Variants in HYAL4 observed in about 807,000 individuals in gnomAD.
The protein encoded by HYAL4 is hyaluronidase 4, also known as hyaluronidase-4.
HYAL4 carries 37 observed loss-of-function variants against 35.2 expected under a neutral mutation model. That is an observed-to-expected ratio of 1.05 (90% CI 0.81 to 1.38). The LOEUF (loss-of-function observed/expected upper bound fraction) is 1.38. Among genes scored for constraint, HYAL4 ranks in the 40% most tolerant of loss-of-function variants. The probability of loss-of-function intolerance (pLI) is 0.00; values close to 1 mark genes in which losing one functional copy is unlikely to be tolerated. For missense variants in HYAL4, 572 were observed against 572.4 expected, an observed-to-expected ratio of 1.00 and a Z score of 0.01; for synonymous variants, 198 against 203.2, an observed-to-expected ratio of 0.97 and a Z score of 0.22.
the HYAL4 span, among the ~76,000 whole-genome samples, chr7:123,810,331 A>G: frequency 6.6e-6 from 1 of 152,198 alleles, no homozygotes; most frequent in Admixed American, 6.5e-5. Context: ...GAAACTGGAA[A>G]AAAAAAACCC....
At chr7:123,770,126 A>G in the HYAL4 span, among the ~76,000 whole-genome samples, 1 of 152,238 alleles carries the variant, frequency 6.6e-6, no homozygotes, top group Non-Finnish European at 1.5e-5. Context: ...GACAGGAGAA[A>G]AGTTTGTCAC....
chr7:123,818,425 C>G, the HYAL4 span, among the ~76,000 whole-genome samples: 1,877 of 152,224 alleles, frequency 0.012, 34 homozygotes, highest in African/African-American at 0.043. Context: ...TCTACTGATT[C>G]TCATTCCCAA....
chr7:123,873,395 T>C (rs960519489), intron 3 of HYAL4, among the ~76,000 whole-genome samples: 11 of 81,074 alleles, frequency 1.4e-4, no homozygotes, highest in Admixed American at 3.1e-4. Flanking sequence ...CACAAGACAA[T>C]TGCCCAGAAA....
intron 1 of HYAL4, among the ~76,000 whole-genome samples, chr7:123,836,941 T>A (rs747218078): frequency 5.9e-5 from 9 of 151,910 alleles, no homozygotes; most frequent in Middle Eastern, 3.2e-3. Context: ...GACAGGAGAA[T>A]CGCTTGAATC....
chr7:123,778,191 A>ATCTATCTG, the HYAL4 span, among the ~76,000 whole-genome samples: 1 of 142,322 alleles, frequency 7.0e-6, no homozygotes, highest in African/African-American at 2.6e-5. Flanking sequence ...CTATCTATCT[A>ATCTATCTG]TCTATCACCT....
chr7:123,790,624 C>T, the HYAL4 span: 51 of 142,366 alleles, frequency 3.6e-4, no homozygotes, highest in African/African-American at 1.1e-3. Context: ...GAACGCTTCA[C>T]GAATTTGCGT....
chr7:123,790,606 T>TTTA, the HYAL4 span: 906 of 149,364 alleles, frequency 6.1e-3, 13 homozygotes, highest in African/African-American at 0.022. Context: ...TTTTTTTTTT[T>TTTA]AAATATGGAA....
chr7:123,843,264 G>A (rs1461045893), upstream of HYAL4, among the ~76,000 whole-genome samples: 2 of 151,960 alleles, frequency 1.3e-5, no homozygotes, highest in Admixed American at 6.6e-5. Context: ...ATGAAGCTTA[G>A]TTTGGCTGGA....
chr7:123,831,600 G>A (rs1256322489), intron 1 of HYAL4, among the ~76,000 whole-genome samples: 1 of 152,074 alleles, frequency 6.6e-6, no homozygotes, highest in Non-Finnish European at 1.5e-5. Context: ...AGAATAGAAT[G>A]TTCCCTTTGT....
At chr7:123,846,060 G>T (rs563668267) in intron 1 of HYAL4, among the ~76,000 whole-genome samples, 6 of 152,330 alleles carry the variant, frequency 3.9e-5, no homozygotes, top group African/African-American at 1.2e-4. Flanking sequence ...GGTGGCAGCA[G>T]GGTGGAATGG....
At chr7:123,774,629 C>T in the HYAL4 span, among the ~76,000 whole-genome samples, 1 of 152,170 alleles carries the variant, frequency 6.6e-6, no homozygotes, top group Non-Finnish European at 1.5e-5. Context: ...TCTCAAGCCA[C>T]TCAAAAACCC....
chr7:123,876,116 C>G (rs781236530), intron 4 of HYAL4: 1 of 449,496 alleles, frequency 2.2e-6, no homozygotes, highest in Non-Finnish European at 4.4e-6. Flanking sequence ...GTTTAGAACA[C>G]GTAATAGGAA....
At chr7:123,813,018 G>C in the HYAL4 span, among the ~76,000 whole-genome samples, 1 of 152,216 alleles carries the variant, frequency 6.6e-6, no homozygotes, top group Non-Finnish European at 1.5e-5. Flanking sequence ...TCAGTGTACA[G>C]AGAGCATACG....
intron 2 of HYAL4, among the ~76,000 whole-genome samples, chr7:123,859,539 G>A (rs1806534044): frequency 6.6e-6 from 1 of 151,962 alleles, no homozygotes; most frequent in Non-Finnish European, 1.5e-5. Flanking sequence ...TTAACTTAAA[G>A]CTCTGGCTGA....
chr7:123,808,062 A>G, the HYAL4 span, among the ~76,000 whole-genome samples: 4 of 151,708 alleles, frequency 2.6e-5, no homozygotes, highest in Non-Finnish European at 1.5e-5. Context: ...GGCATGAGGT[A>G]CTATAGTTGC....
At chr7:123,857,636 GC>G (rs1806471958) in intron 2 of HYAL4, among the ~76,000 whole-genome samples, 1 of 138,352 alleles carries the variant, frequency 7.2e-6, no homozygotes, top group South Asian at 2.2e-4. Flanking sequence ...GGGCCATCTT[GC>G]CAGCTGCCTT....
At chr7:123,857,832 A>T (rs1023991215) in intron 2 of HYAL4, among the ~76,000 whole-genome samples, 1 of 152,088 alleles carries the variant, frequency 6.6e-6, no homozygotes, top group Non-Finnish European at 1.5e-5. Context: ...CAGTTGCAAC[A>T]TCAAGAACAT....
At chr7:123,863,826 T>C (rs893415973) in intron 2 of HYAL4, among the ~76,000 whole-genome samples, 1 of 152,180 alleles carries the variant, frequency 6.6e-6, no homozygotes, top group Admixed American at 6.5e-5. Flanking sequence ...TGCCAAGGGT[T>C]GCTCTTTTTT....
exon 1 of HYAL4, chr7:123,829,011 G>A (rs1021613993): frequency 2.5e-4 from 38 of 152,644 alleles, no homozygotes; most frequent in African/African-American, 8.7e-4. Context: ...CCATTATGCT[G>A]TGAATGTGAC....
Sources: allele counts gnomAD v4.1 joint callset (sites outside exome capture counted in the v4.1 genomes callset), GRCh38; gene constraint gnomAD v4.1.1; transcripts MANE v1.5; gene names NCBI Gene and HGNC (gene_info 2026-07-23, HGNC 2026-07-21).